The following PREX1 variants were observed in gnomAD, a reference collection of about 807,000 sequenced individuals.
PREX1 encodes phosphatidylinositol 3,4,5-trisphosphate-dependent Rac exchanger 1 protein.
A neutral mutation model predicts 198.3 loss-of-function variants in PREX1; 41 were observed. The ratio of observed to expected loss-of-function variants is 0.21; its 90% CI spans 0.16 to 0.27. The LOEUF (loss-of-function observed/expected upper bound fraction) is 0.27. Among genes scored for constraint, PREX1 ranks in the 10% least tolerant of loss-of-function variants. The probability of loss-of-function intolerance (pLI) is 1.00; values close to 1 mark genes in which losing one functional copy is unlikely to be tolerated. For synonymous variants in PREX1, 843 were observed against 887.2 expected, an observed-to-expected ratio of 0.95 and a Z score of 0.89; for missense variants, 1,620 against 2,200.7, an observed-to-expected ratio of 0.74 and a Z score of 5.28.
At chr20:48,782,313 T>G (rs1353363290) in intron 1 of PREX1, among the ~76,000 whole-genome samples, 1 of 152,160 alleles carries the variant, frequency 6.6e-6, no homozygotes, top group Non-Finnish European at 1.5e-5. Context: ...TGAATAAGTC[T>G]TACAAGATCT....
chr20:48,791,646 A>G (rs1346202455), intron 1 of PREX1, among the ~76,000 whole-genome samples: 1 of 152,178 alleles, frequency 6.6e-6, no homozygotes, highest in African/African-American at 2.4e-5. Context: ...ACTCCCCAGG[A>G]AAGAGGGGTG....
chr20:48,827,971 G>T lies in PREX1; in HGVS notation c.-111C>A, dbSNP rs1488454835. 2 of 311,398 alleles carry T rather than the reference G, an allele frequency of 6.4e-6. No homozygotes were observed. Among genetic ancestry groups the T allele is most frequent in the African/African-American group, 2.3e-5 (1 of 43,650 alleles). The allele number at this position is 311,398 out of a possible 1,614,324, so 19.3% of individuals were successfully genotyped here. A position where few individuals can be genotyped will look rare whatever the true frequency, so the allele number is the denominator to read the frequency against. On this transcript the variant is annotated 5_prime_UTR_variant, in exon 1 of 40. Transcript: ENST00000371941. The surrounding 1 kb of genome is among the most constrained non-coding windows in gnomAD (Gnocchi z 4.1). ...GCCGGCGGGCCGGGCTCAGCGGCGG[G>T]CCGGGCTCCCGGCGCGGCGGGCGGG... is the stretch of plus-strand genomic sequence containing the variant.
chr20:48,819,597 T>G (rs1344038069), intron 1 of PREX1, among the ~76,000 whole-genome samples: 3 of 152,116 alleles, frequency 2.0e-5, no homozygotes, highest in Non-Finnish European at 2.9e-5. Context: ...ATCTGCAAAA[T>G]AGGTATAATG....
chr20:48,726,437 C>T (rs779177889), intron 4 of PREX1, 46 bp from the exon 5 acceptor site: 2 of 1,416,454 alleles, frequency 1.4e-6, no homozygotes, highest in South Asian at 1.2e-5. Flanking sequence ...AAGGATAGCA[C>T]AGGGACATAG....
At chr20:48,731,213 C>T (rs2090033494) in intron 4 of PREX1, among the ~76,000 whole-genome samples, 1 of 152,126 alleles carries the variant, frequency 6.6e-6, no homozygotes, top group African/African-American at 2.4e-5. Flanking sequence ...CTCTGAAATG[C>T]TACATAGCCC....
chr20:48,816,424 C>T (rs868037585), intron 1 of PREX1, among the ~76,000 whole-genome samples: 1 of 152,032 alleles, frequency 6.6e-6, no homozygotes, highest in Non-Finnish European at 1.5e-5. Context: ...ATGACAGAGG[C>T]GAAGGGATTT....
intron 5 of PREX1, among the ~76,000 whole-genome samples, chr20:48,721,601 AG>A (rs1255521006): frequency 6.6e-6 from 1 of 152,274 alleles, no homozygotes; most frequent in African/African-American, 2.4e-5. Flanking sequence ...TGAGATCGGT[AG>A]GACACTGCAG....
chr20:48,776,486 C>T (rs1382367466), intron 1 of PREX1, among the ~76,000 whole-genome samples: 5 of 152,318 alleles, frequency 3.3e-5, no homozygotes, highest in Non-Finnish European at 7.4e-5. Context: ...AGCCTGGAAG[C>T]CAGGCATCAC....
At chr20:48,714,494 G>A (rs1397271823) in intron 5 of PREX1, among the ~76,000 whole-genome samples, 1 of 152,160 alleles carries the variant, frequency 6.6e-6, no homozygotes, top group Non-Finnish European at 1.5e-5. Flanking sequence ...ATACACAAAT[G>A]TCCAATAAGC....
At chr20:48,879,028 A>C in the PREX1 span, among the ~76,000 whole-genome samples, 2 of 152,190 alleles carry the variant, frequency 1.3e-5, no homozygotes, top group Non-Finnish European at 2.9e-5. Flanking sequence ...AGTTCCGGTG[A>C]CATCTTTGAG....
At chr20:48,799,425 C>T (rs1370806773) in intron 1 of PREX1, among the ~76,000 whole-genome samples, 2 of 152,156 alleles carry the variant, frequency 1.3e-5, no homozygotes, top group Non-Finnish European at 2.9e-5. Flanking sequence ...CACCCAAGCA[C>T]ACTGTCAGTG....
chr20:48,688,854 G>A (rs773110799), intron 9 of PREX1, 50 bp from the exon 10 acceptor site: 8 of 1,608,364 alleles, frequency 5.0e-6, no homozygotes, highest in Non-Finnish European at 6.8e-6. Context: ...CCCAGGGCAG[G>A]GGGGGTAGGG....
intron 1 of PREX1, among the ~76,000 whole-genome samples, chr20:48,777,260 TC>T (rs1433522902): frequency 2.6e-5 from 4 of 151,888 alleles, no homozygotes; most frequent in African/African-American, 9.7e-5. Context: ...CATGAGCTGG[TC>T]ATGCCCCAAT....
chr20:48,754,274 C>T (rs1219664720), intron 1 of PREX1, among the ~76,000 whole-genome samples: 1 of 152,222 alleles, frequency 6.6e-6, no homozygotes, highest in Non-Finnish European at 1.5e-5. Flanking sequence ...GTCCATTCTA[C>T]AGAAGAGCCT....
intron 7 of PREX1, among the ~76,000 whole-genome samples, chr20:48,696,577 T>G (rs2089846704): frequency 6.6e-6 from 1 of 152,028 alleles, no homozygotes; most frequent in Non-Finnish European, 1.5e-5. Context: ...CCTGTAAATT[T>G]TACAGTCAGC....
chr20:48,817,070 C>T (rs994700056), intron 1 of PREX1, among the ~76,000 whole-genome samples: 1 of 152,216 alleles, frequency 6.6e-6, no homozygotes, highest in East Asian at 1.9e-4. Flanking sequence ...TGTGTAACAG[C>T]CTCACCCAGA....
At chr20:48,753,028 G>A (rs367860428) in intron 1 of PREX1, among the ~76,000 whole-genome samples, 19 of 152,232 alleles carry the variant, frequency 1.2e-4, no homozygotes, top group African/African-American at 3.1e-4. Flanking sequence ...GAGCCCAGGC[G>A]TTCAAGTTCC....
At chr20:48,657,358 G>A (rs2122925289) in intron 17 of PREX1, among the ~76,000 whole-genome samples, 170 bp from the exon 18 acceptor site, 1 of 152,310 alleles carries the variant, frequency 6.6e-6, no homozygotes, top group African/African-American at 2.4e-5. Flanking sequence ...CAAGGGACCT[G>A]GTTCTGCCTC....
At chr20:48,865,485 T>C in the PREX1 span, among the ~76,000 whole-genome samples, 1 of 152,218 alleles carries the variant, frequency 6.6e-6, no homozygotes, top group East Asian at 1.9e-4. Context: ...GCATAAACTG[T>C]TAAGGGTGAA....
Sources: allele counts gnomAD v4.1 joint callset (sites outside exome capture counted in the v4.1 genomes callset), GRCh38; gene constraint gnomAD v4.1.1; non-coding constraint Gnocchi (gnomAD v3.1); transcripts MANE v1.5; gene names NCBI Gene and HGNC (gene_info 2026-07-23, HGNC 2026-07-21).